ESRRG: variants seen among roughly 807,000 people sequenced by gnomAD.
The protein encoded by ESRRG is estrogen-related receptor gamma.
Under a neutral mutation model 44.0 loss-of-function variants are expected in ESRRG, and 13 were observed. That is an observed-to-expected ratio of 0.30 (90% CI 0.19 to 0.47). The LOEUF (loss-of-function observed/expected upper bound fraction) is 0.47, where lower values mean the gene tolerates loss of function less well. Ranked by LOEUF, ESRRG falls within the 20% of genes least tolerant of loss-of-function variation. ESRRG has a pLI of 1.00. For synonymous variants in ESRRG, 215 were observed against 214.6 expected, an observed-to-expected ratio of 1.00 and a Z score of -0.02; for missense variants, 395 against 580.6, an observed-to-expected ratio of 0.68 and a Z score of 3.29.
intron 1 of ESRRG, among the ~76,000 whole-genome samples, chr1:217,070,828 G>A (rs562563424): frequency 1.3e-5 from 2 of 152,300 alleles, no homozygotes; most frequent in African/African-American, 4.8e-5. Flanking sequence ...GAGTAGAAGA[G>A]TTCACTTGAT....
chr1:216,557,179 C>G (rs1202907201), intron 5 of ESRRG, among the ~76,000 whole-genome samples: 1 of 152,158 alleles, frequency 6.6e-6, no homozygotes, highest in African/African-American at 2.4e-5. Context: ...AAAATACACT[C>G]TTGTCCAAAC....
At chr1:216,879,602 T>C (rs2096411479) in intron 2 of ESRRG, among the ~76,000 whole-genome samples, 2 of 152,102 alleles carry the variant, frequency 1.3e-5, no homozygotes, top group African/African-American at 4.8e-5. Flanking sequence ...TCTATTTTGC[T>C]GTTTCATTTC....
chr1:216,635,113 A>G (rs538562883), intron 3 of ESRRG, among the ~76,000 whole-genome samples: 36 of 152,308 alleles, frequency 2.4e-4, no homozygotes, highest in African/African-American at 8.2e-4. Context: ...CAAAACCAGC[A>G]TCAAAGGATA....
chr1:216,823,197 C>T (rs2095331664), intron 2 of ESRRG, among the ~76,000 whole-genome samples: 1 of 151,930 alleles, frequency 6.6e-6, no homozygotes, highest in Non-Finnish European at 1.5e-5. Flanking sequence ...TCCTAAGCTC[C>T]AAAGTCTTGA....
rs180782945 is a variant in ESRRG, at chr1:216,590,485, A to T, written c.590-22387T>A. Among the ~76,000 whole-genome samples the T allele has an allele frequency of 3.1e-3, 472 of 152,310 alleles. 11 individuals are homozygous for T. Among genetic ancestry groups the T allele is most frequent in the East Asian group, 0.021 (110 of 5,166 alleles). ...AAATAATTTGGATGAATACATTTTT[A>T]AAAAGTCCAAACTGGCTTCTTCCCT... On this transcript the variant is annotated intron_variant, in intron 3 of 6. Coordinates refer to ENST00000408911, the MANE Select transcript of ESRRG (RefSeq NM_001438.4).
At chr1:216,936,130 C>A (rs1407616536) in intron 2 of ESRRG, among the ~76,000 whole-genome samples, 2 of 151,860 alleles carry the variant, frequency 1.3e-5, no homozygotes, top group African/African-American at 2.4e-5. Context: ...ACAGGAAATT[C>A]CAAGGGATAA....
chr1:216,717,508 C>T (rs78114879), intron 1 of ESRRG, among the ~76,000 whole-genome samples: 15 of 151,658 alleles, frequency 9.9e-5, no homozygotes, highest in South Asian at 4.1e-4. Flanking sequence ...CATAAAGAAG[C>T]GGTTAGCAGA....
intron 1 of ESRRG, among the ~76,000 whole-genome samples, chr1:217,075,589 T>TCCC (rs66514039): frequency 0.11 from 16,053 of 144,016 alleles, 1,164 homozygotes; most frequent in East Asian, 0.29. Flanking sequence ...ATTGCTCCTT[T>TCCC]CCCCCCCCCA....
intron 1 of ESRRG, among the ~76,000 whole-genome samples, chr1:217,052,940 A>G (rs1239075279): frequency 1.3e-5 from 2 of 152,110 alleles, no homozygotes; most frequent in Admixed American, 6.5e-5. Flanking sequence ...CCTCCTAAAG[A>G]TGGACATGGA....
chr1:216,763,470 T>C (rs911652524), intron 2 of ESRRG, among the ~76,000 whole-genome samples: 6 of 151,910 alleles, frequency 3.9e-5, no homozygotes, highest in Admixed American at 3.9e-4. Flanking sequence ...AGAGGATAAG[T>C]GGGAGAGGGA....
At chr1:216,635,445 T>C (rs911133130) in intron 3 of ESRRG, among the ~76,000 whole-genome samples, 3 of 152,196 alleles carry the variant, frequency 2.0e-5, no homozygotes, top group Non-Finnish European at 4.4e-5. Context: ...GTGATAGAAG[T>C]GCTTTCTTCA....
At chr1:216,804,827 C>G (rs898245293) in intron 2 of ESRRG, 1 of 152,084 alleles carries the variant, frequency 6.6e-6, no homozygotes, top group African/African-American at 2.4e-5. Flanking sequence ...AAATCTTTCT[C>G]CTTTAAATGT....
chr1:217,067,938 T>C (rs368370946), intron 1 of ESRRG, among the ~76,000 whole-genome samples: 71 of 152,296 alleles, frequency 4.7e-4, no homozygotes, highest in South Asian at 3.5e-3. Flanking sequence ...GAAAGAATGT[T>C]GCACCATCTC....
At chr1:216,939,366 A>AAAAAC (rs1281882853) in intron 2 of ESRRG, among the ~76,000 whole-genome samples, 9 of 145,778 alleles carry the variant, frequency 6.2e-5, no homozygotes, top group African/African-American at 2.1e-4. Flanking sequence ...AAAAAAAAAA[A>AAAAAC]AAAACACTTT....
chr1:217,122,662 C>CA (rs2092835131), intron 1 of ESRRG, among the ~76,000 whole-genome samples: 2 of 132,136 alleles, frequency 1.5e-5, no homozygotes, highest in African/African-American at 5.7e-5. Flanking sequence ...AAGACACACA[C>CA]ACTTTTTTTT....
intron 5 of ESRRG, among the ~76,000 whole-genome samples, chr1:216,533,312 C>T (rs551454322): frequency 6.6e-6 from 1 of 152,066 alleles, no homozygotes; most frequent in African/African-American, 2.4e-5. Flanking sequence ...ATGCTGCATT[C>T]GCAGGATAAT....
At chr1:216,658,442 T>C (rs2071216306) in intron 2 of ESRRG, among the ~76,000 whole-genome samples, 2 of 152,232 alleles carry the variant, frequency 1.3e-5, no homozygotes, top group East Asian at 1.9e-4. Flanking sequence ...AATTTTTGTA[T>C]GTCCATTCTA....
intron 2 of ESRRG, among the ~76,000 whole-genome samples, chr1:216,661,302 C>T (rs2151227748): frequency 6.6e-6 from 1 of 152,254 alleles, no homozygotes; most frequent in South Asian, 2.1e-4. Flanking sequence ...AATGTCTGAG[C>T]TGACTATAAC....
chr1:216,510,531 A>T (rs2042402906), intron 6 of ESRRG, among the ~76,000 whole-genome samples: 1 of 129,634 alleles, frequency 7.7e-6, no homozygotes, highest in Admixed American at 7.0e-5. Flanking sequence ...ACTGAAAAAG[A>T]AGATTTTATT....
Sources: allele counts gnomAD v4.1 joint callset (sites outside exome capture counted in the v4.1 genomes callset), GRCh38; gene constraint gnomAD v4.1.1; transcripts MANE v1.5; gene names NCBI Gene and HGNC (gene_info 2026-07-23, HGNC 2026-07-21).